The following WASF1 variants were observed in gnomAD, a reference collection of about 807,000 sequenced individuals.
WASF1 encodes the protein WASP family member 1, also known as actin-binding protein WASF1.
In WASF1, 7 loss-of-function variants were observed where a neutral mutation model predicts 50.5. The ratio of observed to expected loss-of-function variants is 0.14; its 90% CI spans 0.08 to 0.26. WASF1 has a LOEUF of 0.26. WASF1 is among the 10% of genes least tolerant of loss of function. WASF1 has a pLI of 1.00. For synonymous variants in WASF1, 205 were observed against 244.0 expected, an observed-to-expected ratio of 0.84 and a Z score of 1.49; for missense variants, 470 against 694.7, an observed-to-expected ratio of 0.68 and a Z score of 3.64.
intron 2 of WASF1, among the ~76,000 whole-genome samples, chr6:110,171,967 T>C (rs1475145827): frequency 1.3e-5 from 2 of 151,958 alleles, no homozygotes; most frequent in East Asian, 3.9e-4. Flanking sequence ...GAAATGCAAA[T>C]CAAAACCACA....
chr6:110,173,836 G>T (rs370461948), intron 2 of WASF1, among the ~76,000 whole-genome samples: 1 of 152,066 alleles, frequency 6.6e-6, no homozygotes, highest in East Asian at 1.9e-4. Flanking sequence ...TCAACCTCTG[G>T]GCATGGAGGA....
At chr6:110,159,304 C>T (rs745793361) in intron 3 of WASF1, among the ~76,000 whole-genome samples, 22 of 151,808 alleles carry the variant, frequency 1.4e-4, no homozygotes, top group Non-Finnish European at 2.2e-4. Context: ...AACACAAAAA[C>T]GAAAACAAAA....
At chr6:110,178,243 G>T (rs868617934) in intron 2 of WASF1, among the ~76,000 whole-genome samples, 7 of 151,912 alleles carry the variant, frequency 4.6e-5, no homozygotes, top group Middle Eastern at 3.2e-3. Flanking sequence ...CAAAACTTCC[G>T]AAATTTTATA....
intron 5 of WASF1, among the ~76,000 whole-genome samples, chr6:110,109,980 G>A (rs540254716): frequency 6.6e-6 from 1 of 152,224 alleles, no homozygotes; most frequent in Admixed American, 6.5e-5. Context: ...CTCTGCAATG[G>A]TGGCACCATA....
At chr6:110,140,133 G>A (rs138208202) in intron 3 of WASF1, among the ~76,000 whole-genome samples, 19 of 152,272 alleles carry the variant, frequency 1.2e-4, no homozygotes, top group Non-Finnish European at 2.6e-4. Context: ...AGGGAGCTGA[G>A]ACAGGCTGAA....
intron 3 of WASF1, among the ~76,000 whole-genome samples, chr6:110,155,280 T>G (rs1375181672): frequency 6.6e-6 from 1 of 152,092 alleles, no homozygotes; most frequent in Non-Finnish European, 1.5e-5. Context: ...ATGCTTTTTA[T>G]CGGCTATAAG....
intron 5 of WASF1, among the ~76,000 whole-genome samples, chr6:110,109,644 C>T (rs531463036): frequency 6.6e-5 from 10 of 151,686 alleles, no homozygotes; most frequent in South Asian, 2.1e-4. Flanking sequence ...CTCTTCCTCC[C>T]GGGTTCAAGC....
chr6:110,101,837 G>A lies in WASF1; in HGVS notation c.1273C>T (p.Pro425Ser), dbSNP rs752260461. 2 of 1,613,882 alleles carry A rather than the reference G, an allele frequency of 1.2e-6. No homozygotes were observed. Among genetic ancestry groups the A allele is most frequent in the Admixed American group, 1.7e-5 (1 of 59,980 alleles). ...LPQGEVQGLP[P>S]PPPPPPLPPP... Reference sequence around the variant, plus strand: ...GGCAGAGGAGGCGGTGGTGGGGGTGGAGGCAGCCCCTGAACTTCACCTTGT... The same window carrying A: ...GGCAGAGGAGGCGGTGGTGGGGGTGAAGGCAGCCCCTGAACTTCACCTTGT... Residue 425 changes from proline (P) to serine (S), a missense_variant, in exon 10 of 11, where the codon CCA (proline) becomes TCA (serine). Physicochemically the swap from Pro to Ser is moderately conservative, Grantham distance 74. This residue lies in a region of WASF1 where 294 missense variants were observed against 343.5 expected (regional missense o/e 0.86). Coordinates refer to ENST00000392589, the MANE Select transcript of WASF1 (RefSeq NM_003931.3).
At chr6:110,122,340 T>C (rs1774178899) in intron 4 of WASF1, among the ~76,000 whole-genome samples, 1 of 152,018 alleles carries the variant, frequency 6.6e-6, no homozygotes, top group Non-Finnish European at 1.5e-5. Context: ...CTACTTTTGA[T>C]TTATTTTACA....
At chr6:110,144,819 T>C (rs545857715) in intron 3 of WASF1, among the ~76,000 whole-genome samples, 1 of 152,310 alleles carries the variant, frequency 6.6e-6, no homozygotes, top group South Asian at 2.1e-4. Flanking sequence ...TTGGTCTATC[T>C]CTCTGTTTTG....
At chr6:110,166,511 T>C (rs1344711017) in intron 2 of WASF1, among the ~76,000 whole-genome samples, 1 of 151,940 alleles carries the variant, frequency 6.6e-6, no homozygotes, top group Non-Finnish European at 1.5e-5. Flanking sequence ...CTTTCAGTTT[T>C]AGTGTTACAT....
intron 2 of WASF1, among the ~76,000 whole-genome samples, chr6:110,162,006 T>C (rs1336269393): frequency 6.6e-6 from 1 of 151,538 alleles, no homozygotes; most frequent in Non-Finnish European, 1.5e-5. Flanking sequence ...TTAAGCAATT[T>C]TGAAAGCGTA....
At position 110,108,572 on chromosome 6, in the gene WASF1, A is replaced by T. The variant is rs1398917446; in HGVS notation, c.378T>A (p.Asp126Glu). ...TGAGAGGTGGAGGCTGTTCACAAACATCGTACGTCTCCTGTAATGGAATAG... is the reference window on the plus strand; with the variant it reads ...TGAGAGGTGGAGGCTGTTCACAAACTTCGTACGTCTCCTGTAATGGAATAG... ...TLPIPLQETY[D>E]VCEQPPPLNI... The change falls in exon 6 of 11, where the codon GAT becomes GAA. Residue 126 changes from aspartate to glutamate, a missense_variant. Coordinates refer to ENST00000392589, the MANE Select transcript of WASF1 (RefSeq NM_003931.3). The T allele has an allele frequency of 6.2e-7, 1 of 1,614,094 alleles. No individual in the cohort carries two copies. The highest frequency in any genetic ancestry group is 1.1e-5 in the South Asian group (1 of 91,072).
At chr6:110,128,148 G>A (rs1774497881) in intron 3 of WASF1, among the ~76,000 whole-genome samples, 1 of 151,784 alleles carries the variant, frequency 6.6e-6, no homozygotes, top group Admixed American at 6.6e-5. Context: ...CTTGTATGAA[G>A]ACAATAAAAA....
chr6:110,142,081 C>T (rs140364377), intron 3 of WASF1, among the ~76,000 whole-genome samples: 37 of 152,204 alleles, frequency 2.4e-4, no homozygotes, highest in African/African-American at 8.9e-4. Context: ...TTTGTATGTG[C>T]ATGGAAAAGA....
intron 3 of WASF1, among the ~76,000 whole-genome samples, chr6:110,129,161 C>T (rs1774548892): frequency 6.6e-6 from 1 of 152,204 alleles, no homozygotes; most frequent in African/African-American, 2.4e-5. Context: ...GTTACACCCT[C>T]ATCTGTTAGT....
chr6:110,139,664 C>A (rs555478866), intron 3 of WASF1, among the ~76,000 whole-genome samples: 1 of 152,248 alleles, frequency 6.6e-6, no homozygotes, highest in South Asian at 2.1e-4. Flanking sequence ...ACCACCACTC[C>A]CACCAATTCA....
intron 3 of WASF1, among the ~76,000 whole-genome samples, chr6:110,154,177 T>C (rs1371888104): frequency 6.6e-6 from 1 of 152,168 alleles, no homozygotes; most frequent in Non-Finnish European, 1.5e-5. Flanking sequence ...CTCTTTTCTC[T>C]AAGTTTACTT....
At chr6:110,128,849 T>G (rs1285384398) in intron 3 of WASF1, among the ~76,000 whole-genome samples, 1 of 152,168 alleles carries the variant, frequency 6.6e-6, no homozygotes, top group South Asian at 2.1e-4. Context: ...GTGGCGGCAT[T>G]AGATTCTCAT....
Sources: gnomAD v4.1 joint callset for allele counts (sites outside exome capture counted in the v4.1 genomes callset) on GRCh38, gnomAD v4.1.1 for gene constraint, gnomAD v4.1.1 regional missense constraint, MANE v1.5 for transcripts, NCBI Gene and HGNC (gene_info 2026-07-23, HGNC 2026-07-21) for gene names.